The following PDE10A variants were observed in gnomAD, a reference collection of about 807,000 sequenced individuals.
PDE10A encodes cAMP and cAMP-inhibited cGMP 3',5'-cyclic phosphodiesterase 10A.
Under a neutral mutation model 97.7 loss-of-function variants are expected in PDE10A, and 39 were observed. That is an observed-to-expected ratio of 0.40 (90% confidence interval 0.31 to 0.52). The LOEUF is 0.52. Among genes scored for constraint, PDE10A ranks in the 20% least tolerant of loss-of-function variants. The pLI, the probability that PDE10A is intolerant of heterozygous loss-of-function variation, is 0.56. For missense variants in PDE10A, 731 were observed against 1,047.8 expected (o/e 0.70, Z 4.17); for synonymous variants, 371 against 376.8 (o/e 0.98, Z 0.18).
chr6:165,925,647 A>G (rs1402001353), intron 1 of PDE10A, among the ~76,000 whole-genome samples: 1 of 152,246 alleles, frequency 6.6e-6, no homozygotes, highest in Non-Finnish European at 1.5e-5. Flanking sequence ...GATCATTTCA[A>G]TAACATTCTT....
chr6:165,691,591 G>GCGCGCA (rs1554306127), intron 1 of PDE10A, among the ~76,000 whole-genome samples: 3 of 51,586 alleles, frequency 5.8e-5, no homozygotes, highest in Non-Finnish European at 2.4e-4. Flanking sequence ...GCACGCGCGC[G>GCGCGCA]CACACACACA....
At chr6:165,705,213 G>C (rs1281482095) in intron 1 of PDE10A, among the ~76,000 whole-genome samples, 1 of 152,262 alleles carries the variant, frequency 6.6e-6, no homozygotes, top group Non-Finnish European at 1.5e-5. Flanking sequence ...TGAGACAGGT[G>C]AGGTTAAGAC....
chr6:165,591,334 T>C (rs1185007167), intron 1 of PDE10A, among the ~76,000 whole-genome samples: 1 of 152,238 alleles, frequency 6.6e-6, no homozygotes, highest in Admixed American at 6.5e-5. Context: ...TGTTATTCTT[T>C]GAAAACAGAA....
intron 1 of PDE10A, among the ~76,000 whole-genome samples, chr6:165,708,694 C>T (rs1474414905): frequency 4.0e-5 from 6 of 151,554 alleles, no homozygotes; most frequent in Non-Finnish European, 8.8e-5. Context: ...CATGCTCCTG[C>T]GCTCTCCTCA....
At chr6:165,683,164 G>T (rs1180244104) in intron 1 of PDE10A, among the ~76,000 whole-genome samples, 1 of 152,186 alleles carries the variant, frequency 6.6e-6, no homozygotes, top group East Asian at 1.9e-4. Context: ...TAATTCAAAG[G>T]CTGAGTTCTC....
intron 1 of PDE10A, among the ~76,000 whole-genome samples, chr6:165,574,170 C>T (rs899762708): frequency 6.6e-6 from 1 of 151,846 alleles, no homozygotes; most frequent in East Asian, 1.9e-4. Flanking sequence ...AAGGGGTGTT[C>T]TAGCTGTATA....
chr6:165,357,428 T>C (rs930606666), intron 18 of PDE10A, among the ~76,000 whole-genome samples: 4 of 152,120 alleles, frequency 2.6e-5, no homozygotes, highest in African/African-American at 9.7e-5. Flanking sequence ...AGGTAGGAAA[T>C]GGTTCTTGTC....
intron 2 of PDE10A, among the ~76,000 whole-genome samples, chr6:165,543,231 A>AT (rs1326781277): frequency 6.6e-6 from 1 of 152,090 alleles, no homozygotes; most frequent in Non-Finnish European, 1.5e-5. Flanking sequence ...GATTTGCCAA[A>AT]TTTTTATTTT....
chr6:165,613,000 A>C (rs1787567491), intron 1 of PDE10A, among the ~76,000 whole-genome samples: 1 of 152,206 alleles, frequency 6.6e-6, no homozygotes, highest in Non-Finnish European at 1.5e-5. Context: ...TTGACACATC[A>C]AATATTTAAA....
chr6:165,724,765 C>T (rs374095219), intron 1 of PDE10A, among the ~76,000 whole-genome samples: 5 of 152,132 alleles, frequency 3.3e-5, no homozygotes, highest in African/African-American at 7.2e-5. Context: ...GCCTGAACAT[C>T]GCAGGAAGCA....
At chr6:165,965,896 G>A (rs1325583450) in intron 1 of PDE10A, among the ~76,000 whole-genome samples, 1 of 152,198 alleles carries the variant, frequency 6.6e-6, no homozygotes, top group Admixed American at 6.5e-5. Flanking sequence ...AGAGGCTTCT[G>A]ATCCTTTTGT....
At chr6:165,888,186 A>G (rs1402533625) in intron 1 of PDE10A, among the ~76,000 whole-genome samples, 1 of 152,044 alleles carries the variant, frequency 6.6e-6, no homozygotes, top group African/African-American at 2.4e-5. Context: ...TCACCCCTCC[A>G]TCCCAGCATT....
intron 1 of PDE10A, among the ~76,000 whole-genome samples, chr6:165,838,068 C>G (rs1471111693): frequency 1.3e-5 from 2 of 152,132 alleles, no homozygotes; most frequent in South Asian, 2.1e-4. Context: ...TCCTTCTGCC[C>G]GTGAACTAGA....
chr6:165,940,759 T>A (rs907165473), intron 1 of PDE10A: 5 of 152,290 alleles, frequency 3.3e-5, no homozygotes, highest in African/African-American at 1.2e-4. Context: ...GTTCCATTTT[T>A]AAAAGGTCTT....
At chr6:165,634,119 G>T (rs767309319) in intron 1 of PDE10A, among the ~76,000 whole-genome samples, 2 of 152,126 alleles carry the variant, frequency 1.3e-5, no homozygotes, top group Non-Finnish European at 2.9e-5. Flanking sequence ...GTTTCAGTGC[G>T]TCTGGGGTAG....
At chr6:165,734,710 A>C (rs1484505879) in intron 1 of PDE10A, among the ~76,000 whole-genome samples, 1 of 152,206 alleles carries the variant, frequency 6.6e-6, no homozygotes, top group Non-Finnish European at 1.5e-5. Flanking sequence ...AAAATACCAA[A>C]GTTAAGAGAC....
At chr6:165,379,904 A>C (rs1398195920) in intron 17 of PDE10A, among the ~76,000 whole-genome samples, 1 of 152,150 alleles carries the variant, frequency 6.6e-6, no homozygotes, top group Non-Finnish European at 1.5e-5. Flanking sequence ...ATGTTTATTC[A>C]AACACATTAA....
chr6:165,472,905 T>A (rs929657883), intron 3 of PDE10A, among the ~76,000 whole-genome samples: 1 of 152,186 alleles, frequency 6.6e-6, no homozygotes, highest in Admixed American at 6.5e-5. Flanking sequence ...GTAACAGTAA[T>A]TTAGTTAAAC....
At chr6:165,763,477 C>T (rs1793301203) in intron 1 of PDE10A, among the ~76,000 whole-genome samples, 1 of 152,130 alleles carries the variant, frequency 6.6e-6, no homozygotes, top group South Asian at 2.1e-4. Context: ...CGCCCACCAC[C>T]ATACCCAGCT....
Sources: allele counts gnomAD v4.1 joint callset (sites outside exome capture counted in the v4.1 genomes callset), GRCh38; gene constraint gnomAD v4.1.1; transcripts MANE v1.5; gene names NCBI Gene and HGNC (gene_info 2026-07-23, HGNC 2026-07-21).